Variants in MYH3 observed in about 807,000 individuals in gnomAD.
MYH3 encodes myosin heavy chain 3, also known as myosin-3.
Under a neutral mutation model 238.0 loss-of-function variants are expected in MYH3, and 130 were observed. The observed-to-expected ratio is 0.55, with a 90% confidence interval of 0.47 to 0.63. The LOEUF (loss-of-function observed/expected upper bound fraction) is 0.63. Ranked by LOEUF, MYH3 falls within the 30% of genes least tolerant of loss-of-function variation. MYH3 has a pLI of 0.00. For synonymous variants in MYH3, 880 were observed against 924.1 expected, an observed-to-expected ratio of 0.95 and a Z score of 0.86; for missense variants, 1,853 against 2,374.9, an observed-to-expected ratio of 0.78 and a Z score of 4.57.
rs200954595 is a variant in MYH3 at position 10,630,285 on chromosome 17, C to T, written c.5457+3G>A. On this transcript the variant is annotated splice_donor_region_variant and intron_variant, in intron 37 of 40. Transcript: ENST00000583535. ...GCGCAGGCGGGGTTCCTCCTGCACACACCCTGGTCTCCAGTTTCTGGATCT... is the reference window on the plus strand; with the variant it reads ...GCGCAGGCGGGGTTCCTCCTGCACATACCCTGGTCTCCAGTTTCTGGATCT... 0.032 allele frequency: 52,242 copies of T among 1,614,084 alleles called. 1,002 individuals carry two copies. The highest frequency in any genetic ancestry group is 0.038 in the Non-Finnish European group (45,197 of 1,180,010).
upstream of MYH3, among the ~76,000 whole-genome samples, chr17:10,660,414 G>A (rs2074471964): frequency 6.6e-6 from 1 of 152,300 alleles, no homozygotes; most frequent in Admixed American, 6.5e-5. Context: ...GGTGGCTCAC[G>A]CCTGTAATCC....
intron 7 of MYH3, among the ~76,000 whole-genome samples, chr17:10,649,326 C>A (rs139129252): frequency 9.4e-4 from 143 of 152,312 alleles, no homozygotes; most frequent in South Asian, 3.3e-3. Flanking sequence ...GCTCTCTGAG[C>A]CGTCTGCAGA....
the MYH3 span, chr17:10,673,979 C>T: frequency 2.0e-5 from 3 of 152,186 alleles, no homozygotes; most frequent in African/African-American, 7.2e-5. Flanking sequence ...AAAGAGCTTC[C>T]TGGAGGGGGA....
intron 6 of MYH3, among the ~76,000 whole-genome samples, 154 bp from the exon 7 acceptor site, chr17:10,649,839 C>T (rs1187986310): frequency 2.0e-5 from 3 of 152,210 alleles, no homozygotes; most frequent in Non-Finnish European, 2.9e-5. Context: ...AGGCAGACGC[C>T]CAGGGCACAG....
At position 10,629,854 on chromosome 17, in the gene MYH3, C is replaced by T; in HGVS notation, c.5646G>A (p.Gln1882=). ...LQVKVKSYKR[Q]AEEADEQANA... ...CTATCTCACTTACAGCCTCCTCCGC[C>T]TGCCTCTTGTAGGACTTGACTTTCA... Residue 1882 remains glutamine, a synonymous_variant, in exon 39 of 41, where the codon CAG becomes CAA. Coordinates refer to ENST00000583535, the MANE Select transcript of MYH3 (RefSeq NM_002470.4). 3.1e-6 allele frequency: 5 copies of T among 1,614,188 alleles called. No individual in the cohort carries two copies. Among genetic ancestry groups the T allele is most frequent in the Non-Finnish European group, 4.2e-6 (5 of 1,180,050 alleles).
intron 14 of MYH3, among the ~76,000 whole-genome samples, chr17:10,643,467 C>T (rs2074292390): frequency 6.6e-6 from 1 of 152,094 alleles, no homozygotes; most frequent in Non-Finnish European, 1.5e-5. Context: ...CCTCCGCCTC[C>T]CAGGTTCAAA....
At chr17:10,634,351 T>C (rs1259962223) in intron 31 of MYH3, among the ~76,000 whole-genome samples, 169 bp from the exon 32 acceptor site, 3 of 152,232 alleles carry the variant, frequency 2.0e-5, no homozygotes, top group Admixed American at 2.0e-4. Context: ...ATAAATGTAC[T>C]CAAGGTAATG....
chr17:10,644,698 A>G lies in MYH3; in HGVS notation c.1146T>C (p.Ala382=). 6.2e-7 allele frequency: 1 copy of G among 1,609,852 alleles called. No homozygotes were observed. The highest frequency in any genetic ancestry group is 8.5e-7 in the Non-Finnish European group (1 of 1,176,432). The stretch of plus-strand genomic sequence containing the variant: ...GGCCCATCAGATAGGCTGTTTTGTC[A>G]GCCACTGGCAAGAAAACAAGGACAG... ...EQAEPDGTEV[A]DKTAYLMGLN... Residue 382 remains alanine, a synonymous_variant, in exon 13 of 41, where the codon GCT becomes GCC. Transcript: ENST00000583535.
chr17:10,660,503 G>A (rs950774448), upstream of MYH3, among the ~76,000 whole-genome samples: 7 of 150,700 alleles, frequency 4.6e-5, no homozygotes, highest in South Asian at 2.1e-4. Context: ...GTGAAACCCC[G>A]TCTCTACTAA....
At position 10,638,891 on chromosome 17, in the gene MYH3, C is replaced by G. The variant is rs1359087901; in HGVS notation, c.3321G>C (p.Lys1107Asn). ...CTCCTACCTGCAACTCTTTGATTTT[C>G]TTCTGAAACTGGAGGCCCAGTGTCT... ...DEQTLGLQFQKKIKELQARIE... is the reference protein window; with the variant it reads ...DEQTLGLQFQNKIKELQARIE... The change falls in exon 26 of 41, where the codon AAG becomes AAC. Residue 1107 changes from lysine to asparagine, a missense_variant. Around this residue, in one of 3 missense-constraint regions of MYH3, gnomAD observed 1,044 missense variants for 1,192.6 expected, o/e 0.88. Coordinates refer to ENST00000583535, the MANE Select transcript of MYH3 (RefSeq NM_002470.4). 6.2e-7 allele frequency: 1 copy of G among 1,614,096 alleles called. No individual in the cohort carries two copies. Among genetic ancestry groups the G allele is most frequent in the Admixed American group, 1.7e-5 (1 of 60,030 alleles).
intron 1 of MYH3, among the ~76,000 whole-genome samples, chr17:10,656,537 C>CAAAAAAAAAAAAA (rs71139057): frequency 2.1e-4 from 12 of 55,894 alleles, no homozygotes; most frequent in African/African-American, 5.9e-4. Flanking sequence ...AATTCTGTCT[C>CAAAAAAAAAAAAA]AAAAAAAAAA....
At chr17:10,668,769 A>G in the MYH3 span, among the ~76,000 whole-genome samples, 1 of 152,086 alleles carries the variant, frequency 6.6e-6, no homozygotes. Flanking sequence ...AGTTTACATC[A>G]GTAGTTTTCT....
At position 10,631,930 on chromosome 17, in the gene MYH3, C is replaced by T; in HGVS notation, c.5043G>A (p.Leu1681=). 4 of 1,614,128 alleles carry T rather than the reference C, an allele frequency of 2.5e-6. No homozygotes were observed. The highest frequency in any genetic ancestry group is 3.4e-6 in the Non-Finnish European group (4 of 1,180,040). Residue 1681 remains leucine (L), a synonymous_variant, in exon 35 of 41, where the codon CTG becomes CTA. Transcript: ENST00000583535. The part of the protein sequence containing the change: ...QLAIVERRAN[L]LQAEVEELRA... ...GCAGCTCCTCCACCTCGGCCTGCAG[C>T]AGGTTGGCTCTGCGCTCCACAATCG...
At chr17:10,632,441 G>A in intron 34 of MYH3, 35 bp downstream of exon 34, 2 of 1,603,378 alleles carry the variant, frequency 1.2e-6, no homozygotes, top group Non-Finnish European at 1.7e-6. Flanking sequence ...TATGTGAGGA[G>A]GAGAGAGGTT....
At chr17:10,632,833 C>T (rs200811958) in intron 33 of MYH3, 49 bp from the exon 34 acceptor site, 1 of 1,567,078 alleles carries the variant, frequency 6.4e-7, no homozygotes, top group East Asian at 2.2e-5. Context: ...GGTATGGAGC[C>T]AGCTCCACTA....
rs1024037356 is a variant in MYH3 at position 10,648,545 on chromosome 17, ACT to A, written c.735+10_735+11del. On this transcript the variant is annotated intron_variant, in intron 8 of 40. Coordinates refer to ENST00000583535, the MANE Select transcript of MYH3 (RefSeq NM_002470.4). Reference sequence around the variant, plus strand: ...ACAAAGCAAATTCCATCTTAACCAAACTCAGACTCACAAAACGGGAGGAGTTG... The same window carrying A: ...ACAAAGCAAATTCCATCTTAACCAAACAGACTCACAAAACGGGAGGAGTTG... 6.2e-7 allele frequency: 1 copy of A among 1,610,866 alleles called. No individual in the cohort carries two copies. Among genetic ancestry groups the A allele is most frequent in the African/African-American group, 1.3e-5 (1 of 74,954 alleles).
At chr17:10,652,670 G>A (rs2074389530) in intron 3 of MYH3, 107 bp from the exon 4 acceptor site, 3 of 1,276,160 alleles carry the variant, frequency 2.4e-6, no homozygotes, top group Admixed American at 2.2e-5. Flanking sequence ...CGCCCAGGCT[G>A]GAGTGCAGTG....
the MYH3 span, among the ~76,000 whole-genome samples, chr17:10,663,894 CT>C: frequency 6.6e-6 from 1 of 151,950 alleles, no homozygotes; most frequent in South Asian, 2.1e-4. Context: ...GAAATGCCGT[CT>C]TTACTAAAAA....
At chr17:10,658,106 G>C (rs1415535142), upstream of MYH3, among the ~76,000 whole-genome samples, 1 of 152,172 alleles carries the variant, frequency 6.6e-6, no homozygotes, top group Non-Finnish European at 1.5e-5. Context: ...GGCTGGGATG[G>C]GGTAGGGGGA....
Sources: gnomAD v4.1 joint callset for allele counts (sites outside exome capture counted in the v4.1 genomes callset) on GRCh38, gnomAD v4.1.1 for gene constraint, gnomAD v4.1.1 regional missense constraint, MANE v1.5 for transcripts, NCBI Gene and HGNC (gene_info 2026-07-23, HGNC 2026-07-21) for gene names.